Variants in SRBD1 observed in about 807,000 individuals in gnomAD.
The protein encoded by SRBD1 is S1 RNA-binding domain-containing protein 1.
A neutral mutation model predicts 115.3 loss-of-function variants in SRBD1; 88 were observed. The ratio of observed to expected loss-of-function variants is 0.76; its 90% CI spans 0.64 to 0.91. The LOEUF (loss-of-function observed/expected upper bound fraction) is 0.91, where lower values mean the gene tolerates loss of function less well. SRBD1 is among the 40% of genes least tolerant of loss of function. The pLI, the probability that SRBD1 is intolerant of heterozygous loss-of-function variation, is 0.00. For missense variants in SRBD1, 1,385 were observed against 1,177.4 expected (o/e 1.18, Z -2.58); for synonymous variants, 509 against 407.7 (o/e 1.25, Z -2.99).
In SRBD1 at chr2:45,594,467, A is replaced by C. The variant is rs1673830479; in HGVS notation, c.648+4982T>G. 2.0e-5 allele frequency among the ~76,000 whole-genome samples: 3 copies of C among 152,278 alleles called. No individual in the cohort carries two copies. The South Asian group carries it at 6.2e-4, about 32-fold the overall frequency. On this transcript the variant is annotated intron_variant, in intron 4 of 20. Coordinates refer to ENST00000263736, the MANE Select transcript of SRBD1 (RefSeq NM_018079.5). ...TTGTCTGTAGCTGGTCACTTCTTCA[A>C]ATTCTTATAGTTCATGGTATCCAAA... is the stretch of plus-strand genomic sequence containing the variant.
intron 16 of SRBD1, among the ~76,000 whole-genome samples, chr2:45,429,682 T>C (rs555720208): frequency 6.6e-6 from 1 of 152,286 alleles, no homozygotes; most frequent in Non-Finnish European, 1.5e-5. Flanking sequence ...ACAGCCAATA[T>C]CATACTGAAT....
At chr2:45,400,967 A>T (rs1302127564) in intron 19 of SRBD1, among the ~76,000 whole-genome samples, 1 of 152,118 alleles carries the variant, frequency 6.6e-6, no homozygotes, top group African/African-American at 2.4e-5. Context: ...TTTGCCAGAA[A>T]CGTCATGTGG....
intron 14 of SRBD1, among the ~76,000 whole-genome samples, chr2:45,527,627 C>A (rs1308370218): frequency 6.6e-6 from 1 of 151,738 alleles, no homozygotes; most frequent in Non-Finnish European, 1.5e-5. Context: ...ATGTGCCAAG[C>A]ACCATTCTAA....
intron 14 of SRBD1, among the ~76,000 whole-genome samples, chr2:45,489,388 G>A (rs1488497832): frequency 6.6e-6 from 1 of 152,158 alleles, no homozygotes; most frequent in African/African-American, 2.4e-5. Flanking sequence ...ACTGAACATT[G>A]AGAAGTAAAA....
chr2:45,431,153 G>C (rs1431430074), intron 16 of SRBD1, among the ~76,000 whole-genome samples: 1 of 152,216 alleles, frequency 6.6e-6, no homozygotes, highest in Non-Finnish European at 1.5e-5. Flanking sequence ...TGCTGGAGAG[G>C]ATGTGGAGAA....
chr2:45,596,845 A>C (rs927000902), intron 4 of SRBD1, among the ~76,000 whole-genome samples: 10 of 152,110 alleles, frequency 6.6e-5, no homozygotes, highest in African/African-American at 2.2e-4. Context: ...TTATAAATTT[A>C]CATTCTAAAG....
At chr2:45,595,729 C>T (rs1251958092) in intron 4 of SRBD1, among the ~76,000 whole-genome samples, 1 of 152,146 alleles carries the variant, frequency 6.6e-6, no homozygotes, top group Non-Finnish European at 1.5e-5. Context: ...ACATATACCA[C>T]AATAATTGTC....
At chr2:45,470,740 A>G (rs191674415) in intron 16 of SRBD1, among the ~76,000 whole-genome samples, 2 of 152,244 alleles carry the variant, frequency 1.3e-5, no homozygotes, top group Admixed American at 1.3e-4. Context: ...TTTTCTTGGG[A>G]GTAACATCAA....
intron 14 of SRBD1, among the ~76,000 whole-genome samples, chr2:45,503,930 A>G (rs1670717488): frequency 6.6e-6 from 1 of 152,174 alleles, no homozygotes; most frequent in African/African-American, 2.4e-5. Context: ...AAAGATAAAG[A>G]AAGTTTAAAT....
chr2:45,461,983 A>C (rs1052181921), intron 16 of SRBD1, among the ~76,000 whole-genome samples: 1 of 152,252 alleles, frequency 6.6e-6, no homozygotes, highest in African/African-American at 2.4e-5. Context: ...TCATTTACTA[A>C]GTTTTTATTT....
chr2:45,434,831 T>C (rs1376366598), intron 16 of SRBD1, among the ~76,000 whole-genome samples: 1 of 152,058 alleles, frequency 6.6e-6, no homozygotes, highest in Non-Finnish European at 1.5e-5. Context: ...GCAGGTTTGT[T>C]ACACATGTAT....
At chr2:45,519,485 T>A (rs1671217588) in intron 14 of SRBD1, among the ~76,000 whole-genome samples, 1 of 152,198 alleles carries the variant, frequency 6.6e-6, no homozygotes, top group African/African-American at 2.4e-5. Context: ...TACAAGAGTA[T>A]CTTTGATTAA....
chr2:45,526,127 T>A lies in SRBD1; in HGVS notation c.1874+20605A>T, dbSNP rs558805788. 4.4e-3 allele frequency among the ~76,000 whole-genome samples: 676 copies of A among 152,118 alleles called. 6 individuals carry two copies. Among genetic ancestry groups the A allele is most frequent in the African/African-American group, 0.015 (632 of 41,542 alleles). ...TGTATACCTAAGAGAAATGAGCCCA[T>A]ATGTCCACACCAAAACTTGTACACG... is the stretch of plus-strand genomic sequence containing the variant. On this transcript the variant is annotated intron_variant, in intron 14 of 20. Coordinates refer to ENST00000263736, the MANE Select transcript of SRBD1 (RefSeq NM_018079.5).
At chr2:45,577,532 T>G (rs996068719) in intron 7 of SRBD1, among the ~76,000 whole-genome samples, 1 of 152,150 alleles carries the variant, frequency 6.6e-6, no homozygotes, top group African/African-American at 2.4e-5. Flanking sequence ...CAGAACTTCC[T>G]CTTGGACACG....
chr2:45,389,475 C>A lies in SRBD1; in HGVS notation c.2823G>T (p.Gly941=), dbSNP rs746821267. Residue 941 remains glycine, a synonymous_variant, in exon 21 of 21, where the codon GGG becomes GGT. Transcript: ENST00000263736. ...LFGIFVDIGV[G]KSGLIPIRNV... is the part of the protein sequence containing the mutation. ...TTCGTATGGGAATCAGCCCAGATTT[C>A]CCCACTCCTATATCCACAAAAATTC... 6.2e-7 allele frequency: 1 copy of A among 1,614,066 alleles called. No homozygotes were observed. Among genetic ancestry groups the A allele is most frequent in the Non-Finnish European group, 8.5e-7 (1 of 1,179,946 alleles).
At chr2:45,594,702 G>A (rs1673839318) in intron 4 of SRBD1, among the ~76,000 whole-genome samples, 1 of 152,150 alleles carries the variant, frequency 6.6e-6, no homozygotes. Flanking sequence ...TGAAGCTCCT[G>A]CAGTAGGCCC....
At chr2:45,448,724 T>C (rs1157796118) in intron 16 of SRBD1, among the ~76,000 whole-genome samples, 1 of 152,198 alleles carries the variant, frequency 6.6e-6, no homozygotes, top group Non-Finnish European at 1.5e-5. Context: ...ATTCAAGAAC[T>C]GAAGCTACCC....
At chr2:45,500,257 T>C (rs1670587187) in intron 14 of SRBD1, among the ~76,000 whole-genome samples, 1 of 151,172 alleles carries the variant, frequency 6.6e-6, no homozygotes. Flanking sequence ...TGTGTTTGGT[T>C]AAATTTATTC....
chr2:45,534,610 C>G (rs1444603834), intron 14 of SRBD1, among the ~76,000 whole-genome samples: 1 of 151,896 alleles, frequency 6.6e-6, no homozygotes, highest in Non-Finnish European at 1.5e-5. Context: ...TGGTTTTTAT[C>G]ATTCCTAGAA....
Sources: gnomAD v4.1 joint callset for allele counts (sites outside exome capture counted in the v4.1 genomes callset) on GRCh38, gnomAD v4.1.1 for gene constraint, MANE v1.5 for transcripts, NCBI Gene and HGNC (gene_info 2026-07-23, HGNC 2026-07-21) for gene names.